ZFPM2: variants seen among roughly 807,000 people sequenced by gnomAD.
ZFPM2 encodes zinc finger protein ZFPM2.
A neutral mutation model predicts 98.6 loss-of-function variants in ZFPM2; 20 were observed. The ratio of observed to expected loss-of-function variants is 0.20; its 90% CI spans 0.14 to 0.29. The LOEUF (loss-of-function observed/expected upper bound fraction) is 0.29. Among genes scored for constraint, ZFPM2 ranks in the 10% least tolerant of loss-of-function variants. The pLI is 1.00. For missense variants in ZFPM2, 1,310 were observed against 1,388.6 expected, an observed-to-expected ratio of 0.94 and a Z score of 0.90; for synonymous variants, 518 against 502.7, an observed-to-expected ratio of 1.03 and a Z score of -0.41.
chr8:105,694,051 A>C (rs542802418), intron 5 of ZFPM2, among the ~76,000 whole-genome samples: 4,855 of 135,678 alleles, frequency 0.036, 289 homozygotes, highest in African/African-American at 0.13. Flanking sequence ...CAGTGGTGCG[A>C]TCTCGGCTCA....
intron 5 of ZFPM2, among the ~76,000 whole-genome samples, chr8:105,754,107 A>G (rs909998688): frequency 2.6e-5 from 4 of 152,176 alleles, no homozygotes; most frequent in African/African-American, 9.6e-5. Context: ...AATAAGGCAC[A>G]CTGGCAATTC....
At chr8:105,617,209 A>C (rs1816439247) in intron 4 of ZFPM2, among the ~76,000 whole-genome samples, 1 of 151,902 alleles carries the variant, frequency 6.6e-6, no homozygotes, top group African/African-American at 2.4e-5. Context: ...ACAATACTTA[A>C]ATTATATTTG....
At chr8:105,477,874 T>A (rs1049619278) in intron 3 of ZFPM2, among the ~76,000 whole-genome samples, 36 of 152,332 alleles carry the variant, frequency 2.4e-4, no homozygotes, top group Admixed American at 1.6e-3. Flanking sequence ...CTAACTTACT[T>A]TAAAGTCTTC....
chr8:105,691,555 G>C (rs1329658196), intron 5 of ZFPM2, among the ~76,000 whole-genome samples: 1 of 152,072 alleles, frequency 6.6e-6, no homozygotes, highest in Admixed American at 6.6e-5. Flanking sequence ...GCCCCAAAGA[G>C]ACTTTTTGAC....
intron 6 of ZFPM2, among the ~76,000 whole-genome samples, chr8:105,791,722 G>T (rs1460824756): frequency 6.6e-6 from 1 of 152,104 alleles, no homozygotes; most frequent in African/African-American, 2.4e-5. Flanking sequence ...TCTGGTCCTG[G>T]ACTCTTTTTC....
intron 5 of ZFPM2, among the ~76,000 whole-genome samples, chr8:105,697,790 T>G (rs1346841686): frequency 2.6e-5 from 4 of 152,178 alleles, no homozygotes; most frequent in African/African-American, 7.2e-5. Flanking sequence ...ATTTTTAACA[T>G]AGCTAAATAT....
chr8:105,558,906 TGTAA>T (rs1375628966), intron 3 of ZFPM2, among the ~76,000 whole-genome samples: 5 of 152,180 alleles, frequency 3.3e-5, no homozygotes, highest in African/African-American at 9.6e-5. Flanking sequence ...CTGTTTTAAA[TGTAA>T]GTAAGTATGG....
intron 4 of ZFPM2, among the ~76,000 whole-genome samples, chr8:105,590,358 C>G (rs1187179660): frequency 1.3e-5 from 2 of 152,136 alleles, no homozygotes; most frequent in African/African-American, 4.8e-5. Context: ...AGGATAATAA[C>G]CACAATATTC....
At chr8:105,538,291 C>T (rs1814501146) in intron 3 of ZFPM2, among the ~76,000 whole-genome samples, 1 of 152,000 alleles carries the variant, frequency 6.6e-6, no homozygotes, top group Non-Finnish European at 1.5e-5. Context: ...AAGAAAGAAA[C>T]TATACCCCTA....
intron 5 of ZFPM2, among the ~76,000 whole-genome samples, chr8:105,718,160 G>A (rs1811568272): frequency 6.6e-6 from 1 of 151,860 alleles, no homozygotes; most frequent in Non-Finnish European, 1.5e-5. Context: ...CAACTACCTG[G>A]GACTGAATCA....
chr8:105,418,107 G>A (rs769784345), intron 1 of ZFPM2, among the ~76,000 whole-genome samples: 14 of 152,112 alleles, frequency 9.2e-5, no homozygotes, highest in Non-Finnish European at 1.6e-4. Context: ...TTATTTATAA[G>A]ATTGCTCCTT....
At chr8:105,353,442 G>T (rs1812686265) in intron 1 of ZFPM2, among the ~76,000 whole-genome samples, 1 of 151,884 alleles carries the variant, frequency 6.6e-6, no homozygotes, top group Admixed American at 6.6e-5. Flanking sequence ...AAGGATTTTT[G>T]TTGTTGTTGT....
intron 6 of ZFPM2, among the ~76,000 whole-genome samples, chr8:105,791,904 G>GTAGTT (rs1414047138): frequency 6.6e-6 from 1 of 152,128 alleles, no homozygotes; most frequent in Non-Finnish European, 1.5e-5. Context: ...TTCTCTGATG[G>GTAGTT]TAGTTTATAT....
At chr8:105,327,611 A>G (rs1812138037) in intron 1 of ZFPM2, among the ~76,000 whole-genome samples, 1 of 151,782 alleles carries the variant, frequency 6.6e-6, no homozygotes, top group African/African-American at 2.4e-5. Flanking sequence ...GTACTTTAAA[A>G]TAATGATGAA....
At chr8:105,794,370 G>A (rs555178323) in intron 6 of ZFPM2, among the ~76,000 whole-genome samples, 12 of 152,306 alleles carry the variant, frequency 7.9e-5, no homozygotes, top group African/African-American at 2.9e-4. Flanking sequence ...CTAGGTAGCA[G>A]CAGCGGTGTC....
intron 1 of ZFPM2, among the ~76,000 whole-genome samples, chr8:105,343,041 G>T (rs1057319397): frequency 1.3e-5 from 2 of 152,034 alleles, no homozygotes; most frequent in African/African-American, 4.8e-5. Context: ...CTTTTACTAT[G>T]GTTCAGTGGG....
chr8:105,355,552 A>G (rs1385873947), intron 1 of ZFPM2, among the ~76,000 whole-genome samples: 1 of 152,186 alleles, frequency 6.6e-6, no homozygotes, highest in Non-Finnish European at 1.5e-5. Context: ...ACAAACAAGC[A>G]TGCTTTTTAA....
intron 3 of ZFPM2, among the ~76,000 whole-genome samples, chr8:105,528,528 A>G (rs1394277811): frequency 1.3e-5 from 2 of 152,164 alleles, no homozygotes; most frequent in South Asian, 2.1e-4. Context: ...TTATGATAGA[A>G]TAAAAGAATG....
At chr8:105,363,704 T>C (rs1235985222) in intron 1 of ZFPM2, among the ~76,000 whole-genome samples, 1 of 152,076 alleles carries the variant, frequency 6.6e-6, no homozygotes, top group South Asian at 2.1e-4. Flanking sequence ...AAATGATATG[T>C]ATTCCTAAGT....
Sources: allele counts gnomAD v4.1 joint callset (sites outside exome capture counted in the v4.1 genomes callset), GRCh38; gene constraint gnomAD v4.1.1; transcripts MANE v1.5; gene names NCBI Gene and HGNC (gene_info 2026-07-23, HGNC 2026-07-21).